Variants in ROR1 observed in about 807,000 individuals in gnomAD.
ROR1 encodes the protein inactive tyrosine-protein kinase transmembrane receptor ROR1.
Under a neutral mutation model 78.8 loss-of-function variants are expected in ROR1, and 19 were observed. The ratio of observed to expected loss-of-function variants is 0.24; its 90% CI spans 0.17 to 0.35. The LOEUF is 0.35. ROR1 is among the 10% of genes least tolerant of loss of function. ROR1 has a pLI of 1.00. For synonymous variants in ROR1, 386 were observed against 433.6 expected (o/e 0.89, Z 1.36); for missense variants, 917 against 1,177.8 (o/e 0.78, Z 3.24).
At chr1:64,049,116 A>G (rs1487374867) in intron 2 of ROR1, among the ~76,000 whole-genome samples, 1 of 152,210 alleles carries the variant, frequency 6.6e-6, no homozygotes, top group East Asian at 1.9e-4. Flanking sequence ...TATTATGGAA[A>G]TGTCCATTGC....
intron 1 of ROR1, among the ~76,000 whole-genome samples, chr1:63,799,939 A>G (rs1046880711): frequency 3.9e-5 from 6 of 152,200 alleles, no homozygotes; most frequent in Non-Finnish European, 7.3e-5. Context: ...ATCATTTAGA[A>G]AATATGCAGT....
intron 4 of ROR1, among the ~76,000 whole-genome samples, chr1:64,073,612 C>T (rs1647024893): frequency 6.6e-6 from 1 of 152,064 alleles, no homozygotes; most frequent in South Asian, 2.1e-4. Context: ...CTGCATACAC[C>T]CCACAATTAA....
chr1:64,032,118 G>A (rs1039005246), intron 2 of ROR1, among the ~76,000 whole-genome samples: 30 of 151,780 alleles, frequency 2.0e-4, no homozygotes, highest in African/African-American at 6.5e-4. Context: ...TGAGGCGGGC[G>A]GATCATGAGG....
At chr1:63,968,764 G>T (rs74078164) in intron 1 of ROR1, among the ~76,000 whole-genome samples, 3,495 of 152,262 alleles carry the variant, frequency 0.023, 146 homozygotes, top group African/African-American at 0.08. Flanking sequence ...TGGCACTACG[G>T]TTAAAGGCGG....
intron 1 of ROR1, among the ~76,000 whole-genome samples, chr1:63,906,710 T>C (rs6693484): frequency 0.022 from 3,382 of 152,314 alleles, 61 homozygotes; most frequent in African/African-American, 0.048. Flanking sequence ...TTGGGGTAAT[T>C]TGATCTTGTC....
chr1:63,797,104 G>A (rs1644765968), intron 1 of ROR1, among the ~76,000 whole-genome samples: 1 of 152,174 alleles, frequency 6.6e-6, no homozygotes, highest in African/African-American at 2.4e-5. Context: ...CTTACTTGAA[G>A]CTGGTGGGAA....
intron 2 of ROR1, among the ~76,000 whole-genome samples, chr1:64,036,213 C>G (rs1222217857): frequency 3.3e-5 from 5 of 152,134 alleles, no homozygotes; most frequent in Non-Finnish European, 7.4e-5. Flanking sequence ...TCAGGCCAGC[C>G]AATGTTCTTT....
chr1:63,863,490 A>G (rs190363893), intron 1 of ROR1, among the ~76,000 whole-genome samples: 3 of 152,268 alleles, frequency 2.0e-5, no homozygotes, highest in Admixed American at 2.0e-4. Flanking sequence ...GACTAGATGT[A>G]CAGAATGATC....
intron 1 of ROR1, among the ~76,000 whole-genome samples, chr1:63,794,470 C>G (rs1644746646): frequency 6.6e-6 from 1 of 152,190 alleles, no homozygotes; most frequent in Non-Finnish European, 1.5e-5. Flanking sequence ...CGGCCTCCAG[C>G]ACTAGGCCAC....
intron 4 of ROR1, among the ~76,000 whole-genome samples, chr1:64,119,897 C>T (rs1648465714): frequency 6.6e-6 from 1 of 152,170 alleles, no homozygotes; most frequent in Non-Finnish European, 1.5e-5. Flanking sequence ...AAAGCCCTTG[C>T]TCTTGGATGC....
chr1:63,839,348 CTAT>C (rs1645035989), intron 1 of ROR1, among the ~76,000 whole-genome samples: 7 of 11,618 alleles, frequency 6.0e-4, no homozygotes, highest in African/African-American at 2.1e-3. Flanking sequence ...TCCATATCAT[CTAT>C]CTATCTATCT....
At chr1:64,113,562 C>T (rs1229439394) in intron 4 of ROR1, 1 of 152,144 alleles carries the variant, frequency 6.6e-6, no homozygotes, top group Non-Finnish European at 1.5e-5. Context: ...CTCATCATGA[C>T]TTTCTCCCCC....
intron 1 of ROR1, among the ~76,000 whole-genome samples, chr1:63,864,646 G>A (rs1433255991): frequency 6.6e-6 from 1 of 152,096 alleles, no homozygotes; most frequent in Non-Finnish European, 1.5e-5. Context: ...CTGGGAATTA[G>A]GATATAGCTC....
intron 1 of ROR1, among the ~76,000 whole-genome samples, chr1:63,861,631 G>A (rs1645182273): frequency 6.6e-6 from 1 of 152,208 alleles, no homozygotes; most frequent in South Asian, 2.1e-4. Context: ...CTTACTGGAA[G>A]GTATGTCTTT....
chr1:63,941,925 C>T (rs1306470868), intron 1 of ROR1, among the ~76,000 whole-genome samples: 1 of 152,190 alleles, frequency 6.6e-6, no homozygotes, highest in Non-Finnish European at 1.5e-5. Flanking sequence ...AAGTACTTTA[C>T]ATGCGTTATC....
chr1:63,910,703 A>G, intron 1 of ROR1, among the ~76,000 whole-genome samples: 1 of 152,096 alleles, frequency 6.6e-6, no homozygotes, highest in South Asian at 2.1e-4. Flanking sequence ...CTAGATACTA[A>G]GTCATGTCTG....
intron 8 of ROR1, among the ~76,000 whole-genome samples, chr1:64,175,997 A>G (rs901915628): frequency 1.3e-5 from 2 of 152,210 alleles, no homozygotes; most frequent in Middle Eastern, 3.2e-3. Context: ...AATCAGTTGT[A>G]TGTAAAATGC....
At chr1:63,913,928 GGGAGCC>G (rs1315061542) in intron 1 of ROR1, among the ~76,000 whole-genome samples, 15 of 152,220 alleles carry the variant, frequency 9.9e-5, no homozygotes, top group African/African-American at 3.6e-4. Flanking sequence ...GCCTCTCCCG[GGGAGCC>G]TTCCCTAGCA....
chr1:64,154,660 G>C (rs2100725413), intron 7 of ROR1, among the ~76,000 whole-genome samples: 1 of 152,166 alleles, frequency 6.6e-6, no homozygotes, highest in East Asian at 1.9e-4. Context: ...AATAAAATAG[G>C]AATGTCAGAT....
Sources: gnomAD v4.1 joint callset for allele counts (sites outside exome capture counted in the v4.1 genomes callset) on GRCh38, gnomAD v4.1.1 for gene constraint, MANE v1.5 for transcripts, NCBI Gene and HGNC (gene_info 2026-07-23, HGNC 2026-07-21) for gene names.